Variants in CERKL observed in about 807,000 individuals in gnomAD.
CERKL encodes ceramide kinase-like protein.
Under a neutral mutation model 63.4 loss-of-function variants are expected in CERKL, and 61 were observed. The observed-to-expected ratio is 0.96, with a 90% CI of 0.78 to 1.19. The LOEUF is 1.19. Among genes scored for constraint, CERKL ranks in the 50% most tolerant of loss-of-function variants. CERKL has a pLI of 0.00. For synonymous variants in CERKL, 250 were observed against 230.5 expected (o/e 1.08, Z -0.77); for missense variants, 675 against 655.5 (o/e 1.03, Z -0.33).
chr2:181,565,791 C>T (rs1688639896), intron 4 of CERKL, among the ~76,000 whole-genome samples: 2 of 152,156 alleles, frequency 1.3e-5, no homozygotes, highest in South Asian at 4.2e-4. Context: ...AATGTATGCA[C>T]ATTAGTAAGT....
At chr2:181,625,081 G>A (rs1204765413) in intron 1 of CERKL, among the ~76,000 whole-genome samples, 1 of 152,126 alleles carries the variant, frequency 6.6e-6, no homozygotes, top group Non-Finnish European at 1.5e-5. Flanking sequence ...GACAGACATG[G>A]GAAAATGAGA....
intron 2 of CERKL, among the ~76,000 whole-genome samples, chr2:181,580,875 A>C (rs751987927): frequency 7.2e-5 from 11 of 152,118 alleles, no homozygotes; most frequent in African/African-American, 1.2e-4. Flanking sequence ...TCTCTGTGAA[A>C]ATATCAGTCT....
At chr2:181,593,867 T>TAA (rs780308862) in intron 2 of CERKL, among the ~76,000 whole-genome samples, 3,574 of 118,118 alleles carry the variant, frequency 0.03, 129 homozygotes, top group African/African-American at 0.094. Context: ...AAAACACTAC[T>TAA]AAAAAAAAAA....
Position 181,551,068 on chromosome 2 carries a change from A to G in CERKL, c.821-1360T>C, listed in dbSNP as rs189404747. On this transcript the variant is annotated intron_variant, in intron 5 of 12. Transcript: ENST00000410087. ...GAAGACAATAATACCCATTCTCACC[A>G]CTGTCATTAAAATAGTACTGGAAGT... Among the ~76,000 whole-genome samples the G allele has an allele frequency of 9.6e-3, 1,461 of 152,270 alleles. 24 individuals carry two copies. Among genetic ancestry groups the G allele is most frequent in the African/African-American group, 0.033 (1,375 of 41,558 alleles).
intron 1 of CERKL, among the ~76,000 whole-genome samples, chr2:181,605,342 C>G (rs894235513): frequency 1.3e-5 from 2 of 152,174 alleles, no homozygotes; most frequent in Admixed American, 1.3e-4. Flanking sequence ...TGTAGATTTG[C>G]AGAGGTCCCC....
At chr2:181,636,754 A>G (rs555655429) in intron 1 of CERKL, among the ~76,000 whole-genome samples, 2 of 152,230 alleles carry the variant, frequency 1.3e-5, no homozygotes, top group African/African-American at 4.8e-5. Context: ...CAAGGCCCAC[A>G]TTAAAGTTTA....
At chr2:181,552,669 G>A (rs1688035431) in intron 5 of CERKL, among the ~76,000 whole-genome samples, 1 of 152,080 alleles carries the variant, frequency 6.6e-6, no homozygotes, top group African/African-American at 2.4e-5. Flanking sequence ...TTCTAAGGGA[G>A]ATTTTAAGTG....
intron 1 of CERKL, among the ~76,000 whole-genome samples, chr2:181,647,688 C>T (rs1687729734): frequency 6.6e-6 from 1 of 152,028 alleles, no homozygotes; most frequent in African/African-American, 2.4e-5. Flanking sequence ...GTGCAGATGT[C>T]ACAAGAAACA....
intron 2 of CERKL, among the ~76,000 whole-genome samples, chr2:181,592,544 A>C (rs1685030625): frequency 1.3e-5 from 2 of 152,190 alleles, no homozygotes; most frequent in Admixed American, 1.3e-4. Context: ...TCATAAGGAT[A>C]GCACAATCTG....
chr2:181,581,216 G>A (rs1229568856), intron 2 of CERKL, among the ~76,000 whole-genome samples: 4 of 152,144 alleles, frequency 2.6e-5, no homozygotes, highest in South Asian at 2.1e-4. Context: ...TCAATTGAAC[G>A]ACTATCATGT....
At chr2:181,538,654 G>T (rs1426219664) in intron 12 of CERKL, among the ~76,000 whole-genome samples, 1 of 152,058 alleles carries the variant, frequency 6.6e-6, no homozygotes, top group East Asian at 1.9e-4. Context: ...CTCTGTAAAG[G>T]CCTAATAAAA....
intron 2 of CERKL, among the ~76,000 whole-genome samples, chr2:181,603,410 A>G (rs191425156): frequency 6.6e-6 from 1 of 152,202 alleles, no homozygotes; most frequent in Non-Finnish European, 1.5e-5. Flanking sequence ...AACTCATTCT[A>G]TGAGGCCAGT....
intron 2 of CERKL, among the ~76,000 whole-genome samples, chr2:181,585,816 C>CA (rs1234763475): frequency 6.6e-6 from 1 of 152,154 alleles, no homozygotes; most frequent in Admixed American, 6.5e-5. Flanking sequence ...AACAAGTCAT[C>CA]AGTGATAAAA....
rs548771703 is a variant in CERKL at position 181,584,171 on chromosome 2, C to CT, written c.482-10288dup. Among the ~76,000 whole-genome samples, 15 of 152,240 alleles carry CT rather than the reference C, an allele frequency of 9.9e-5. No homozygotes were observed. In the East Asian group the frequency reaches 2.3e-3, roughly 23 times the overall value. ...GTTTATATTTTCTATATGTTTGACA[C>CT]TTTTCATAACAGAATATTCATGTAA... On this transcript the variant is annotated intron_variant, in intron 2 of 12. Coordinates refer to ENST00000410087, the MANE Select transcript of CERKL (RefSeq NM_201548.5).
Position 181,565,381 on chromosome 2 carries a change from C to A in CERKL, c.677+677G>T, listed in dbSNP as rs1210493676. On this transcript the variant is annotated intron_variant, in intron 4 of 12. Coordinates refer to ENST00000410087, the MANE Select transcript of CERKL (RefSeq NM_201548.5). Reference sequence around the variant, plus strand: ...CTTACACATCAGTCCAACACTTTAGCAAATTGGTTCACCTAATTTTAAAAA... The same window carrying A: ...CTTACACATCAGTCCAACACTTTAGAAAATTGGTTCACCTAATTTTAAAAA... The A allele has an allele frequency of 3.7e-5, 48 of 1,300,382 alleles. No individual in the cohort carries two copies. In the East Asian group the frequency reaches 7.2e-4, roughly 19 times the overall value. 80.6% of individuals were successfully genotyped at this position (1,300,382 alleles called of 1,614,324 possible).
intron 3 of CERKL, among the ~76,000 whole-genome samples, chr2:181,572,740 T>C (rs766914498): frequency 6.6e-6 from 1 of 151,718 alleles, no homozygotes; most frequent in African/African-American, 2.4e-5. Flanking sequence ...TCTATAGTTA[T>C]AGGCACATTT....
intron 10 of CERKL, among the ~76,000 whole-genome samples, chr2:181,546,277 A>G (rs1353482232): frequency 2.0e-5 from 3 of 152,194 alleles, no homozygotes; most frequent in Non-Finnish European, 4.4e-5. Flanking sequence ...GATTGTTCCC[A>G]GAAGAGCAGG....
At chr2:181,586,920 A>G (rs777090827) in intron 2 of CERKL, among the ~76,000 whole-genome samples, 5 of 152,194 alleles carry the variant, frequency 3.3e-5, no homozygotes, top group Non-Finnish European at 5.9e-5. Flanking sequence ...GTGTATATTC[A>G]CCACTATTTT....
At chr2:181,636,208 G>A (rs1687173245) in intron 1 of CERKL, among the ~76,000 whole-genome samples, 1 of 152,280 alleles carries the variant, frequency 6.6e-6, no homozygotes, top group South Asian at 2.1e-4. Context: ...TTCTCATTCT[G>A]CTGATTTAAA....
Sources: allele counts gnomAD v4.1 joint callset (sites outside exome capture counted in the v4.1 genomes callset), GRCh38; gene constraint gnomAD v4.1.1; transcripts MANE v1.5; gene names NCBI Gene and HGNC (gene_info 2026-07-23, HGNC 2026-07-21).